Variants in RBBP4 observed in about 807,000 individuals in gnomAD.
RBBP4 encodes the protein histone-binding protein RBBP4.
A neutral mutation model predicts 57.2 loss-of-function variants in RBBP4; 3 were observed. The observed-to-expected ratio is 0.05, with a 90% CI of 0.02 to 0.14. RBBP4 has a LOEUF of 0.14. Ranked by LOEUF, RBBP4 falls within the 10% of genes least tolerant of loss-of-function variation. RBBP4 has a pLI of 1.00. For missense variants in RBBP4, 107 were observed against 520.6 expected (o/e 0.21, Z 7.73); for synonymous variants, 151 against 171.5 (o/e 0.88, Z 0.93).
chr1:32,651,768 G>A, intron 1 of RBBP4, 146 bp from the exon 2 acceptor site: 1 of 990,926 alleles, frequency 1.0e-6, no homozygotes, highest in Non-Finnish European at 1.5e-6. Context: ...CCGCGAAAGT[G>A]GAGAGTGTGG....
chr1:32,671,598 C>T (rs114447002), intron 8 of RBBP4, among the ~76,000 whole-genome samples: 6,693 of 152,056 alleles, frequency 0.044, 223 homozygotes, highest in Non-Finnish European at 0.054. Flanking sequence ...GGGCACATGG[C>T]ACACACCTCC....
intron 2 of RBBP4, among the ~76,000 whole-genome samples, chr1:32,656,705 C>T (rs1214343181): frequency 1.0e-4 from 1 of 9,570 alleles, no homozygotes; most frequent in Non-Finnish European, 4.9e-3. Flanking sequence ...TTTGTACTTC[C>T]ATCGCGTTTG....
intron 1 of RBBP4, 172 bp downstream of exon 1, chr1:32,651,494 G>A: frequency 7.4e-7 from 1 of 1,357,926 alleles, no homozygotes; most frequent in Non-Finnish European, 9.5e-7. Context: ...CAGTTCCCTG[G>A]GACCGATTTC....
Position 32,682,850 on chromosome 1 carries a change from A to C in RBBP4, c.*3145A>C, listed in dbSNP as rs1277290789. On this transcript the variant is annotated 3_prime_UTR_variant, in exon 12 of 12. Transcript: ENST00000373493. The stretch of plus-strand genomic sequence containing the variant: ...AGGCATCTGTATAATGTACAACTTG[A>C]CACGGACTTTCTTTTATCCTTAGTT... 1 of 152,172 alleles carries C rather than the reference A, an allele frequency of 6.6e-6. No homozygotes were observed. Among genetic ancestry groups the C allele is most frequent in the Admixed American group, 6.5e-5 (1 of 15,270 alleles). 9.4% of individuals were successfully genotyped at this position (152,172 alleles called of 1,614,324 possible). A position where few individuals can be genotyped will look rare whatever the true frequency, so the allele number is the denominator to read the frequency against.
chr1:32,662,489 G>A (rs1194479833), intron 3 of RBBP4, among the ~76,000 whole-genome samples: 2 of 151,886 alleles, frequency 1.3e-5, no homozygotes, highest in African/African-American at 2.4e-5. Context: ...CAATTCTCCT[G>A]TCTCAGCCTC....
chr1:32,651,797 TTTA>T, intron 1 of RBBP4, 114 bp from the exon 2 acceptor site: 1 of 1,235,466 alleles, frequency 8.1e-7, no homozygotes, highest in South Asian at 1.5e-5. Context: ...GCCGTGGGGA[TTTA>T]GACAAATCAC....
chr1:32,668,211 T>G lies in RBBP4; in HGVS notation c.311-14T>G. ...CTCTTGTTTTGTCCTCATTTGCAAT[T>G]AATTTATTCACAGAATTTGGAGGTT... On this transcript the variant is annotated splice_polypyrimidine_tract_variant and intron_variant, in intron 3 of 11. Coordinates refer to ENST00000373493, the MANE Select transcript of RBBP4 (RefSeq NM_005610.3). 1 of 1,606,364 alleles carries G rather than the reference T, an allele frequency of 6.2e-7. No homozygotes were observed. The highest frequency in any genetic ancestry group is 8.5e-7 in the Non-Finnish European group (1 of 1,174,766).
Position 32,680,133 on chromosome 1 carries a change from T to C in RBBP4, c.*428T>C, listed in dbSNP as rs555426509. The C allele has an allele frequency of 4.9e-3, 5,234 of 1,074,726 alleles. 16 individuals are homozygous for C. The highest frequency in any genetic ancestry group is 5.5e-3 in the Non-Finnish European group (4,897 of 888,990). 66.6% of individuals were successfully genotyped at this position (1,074,726 alleles called of 1,614,324 possible). A position where few individuals can be genotyped will look rare whatever the true frequency, so the allele number is the denominator to read the frequency against. ...CTTTTATTCAGGAAATAGGGGGAGA[T>C]TCAAGTCATATAGATTCCTACTCGA... On this transcript the variant is annotated 3_prime_UTR_variant, in exon 12 of 12. Transcript: ENST00000373493.
intron 11 of RBBP4, among the ~76,000 whole-genome samples, chr1:32,673,108 A>C (rs537892149): frequency 1.3e-5 from 2 of 152,278 alleles, no homozygotes; most frequent in South Asian, 4.1e-4. Context: ...TCTGCTAAAC[A>C]AAACTGACCC....
chr1:32,651,697 G>GC lies in RBBP4; in HGVS notation c.17-213dup, dbSNP rs1647696922. On this transcript the variant is annotated intron_variant, in intron 1 of 11. Transcript: ENST00000373493. ...CGAGCGTGCTCCGAAGGCCTGGCTGGCCCCTTGGCCTGGAACGGGTAACGG... is the reference window on the plus strand; with the variant it reads ...CGAGCGTGCTCCGAAGGCCTGGCTGGCCCCCTTGGCCTGGAACGGGTAACGG... 5 of 762,430 alleles carry GC rather than the reference G, an allele frequency of 6.6e-6. No homozygotes were observed. In the Admixed American group the frequency reaches 9.0e-5, roughly 14 times the overall value. 47.2% of individuals were successfully genotyped at this position (762,430 alleles called of 1,614,324 possible). A position where few individuals can be genotyped will look rare whatever the true frequency, so the allele number is the denominator to read the frequency against.
chr1:32,664,897 A>G (rs987257991), intron 3 of RBBP4, among the ~76,000 whole-genome samples: 17 of 152,214 alleles, frequency 1.1e-4, no homozygotes, highest in Non-Finnish European at 1.6e-4. Flanking sequence ...ACACTATACT[A>G]TAGTCTCCTA....
At chr1:32,655,591 A>T (rs942023064) in intron 2 of RBBP4, among the ~76,000 whole-genome samples, 7 of 151,758 alleles carry the variant, frequency 4.6e-5, no homozygotes, top group Non-Finnish European at 8.8e-5. Flanking sequence ...ATATCTTTAG[A>T]CCTCACTTCT....
At chr1:32,671,724 T>C (rs2148528471) in intron 8 of RBBP4, among the ~76,000 whole-genome samples, 3 of 146,638 alleles carry the variant, frequency 2.0e-5, no homozygotes, top group Admixed American at 2.0e-4. Flanking sequence ...CCTAACCCCA[T>C]CTCTACACAA....
At chr1:32,657,179 G>C (rs1271755681) in intron 2 of RBBP4, among the ~76,000 whole-genome samples, 1 of 152,128 alleles carries the variant, frequency 6.6e-6, no homozygotes, top group East Asian at 1.9e-4. Flanking sequence ...GGGAGGCTGA[G>C]GCATGAGAAT....
chr1:32,666,876 T>C (rs1377282109), intron 3 of RBBP4, among the ~76,000 whole-genome samples: 1 of 152,218 alleles, frequency 6.6e-6, no homozygotes, highest in Non-Finnish European at 1.5e-5. Flanking sequence ...CTTTGTTGTA[T>C]TACTAATATA....
In RBBP4 at chr1:32,682,629, G is replaced by A. The variant is rs1456041084; in HGVS notation, c.*2924G>A. On this transcript the variant is annotated 3_prime_UTR_variant, in exon 12 of 12. Transcript: ENST00000373493. ...CTACTAAAAATACAAAAACTAGCTG[G>A]CCGTGGTGGCATGCTCCTGTAGTCC... 2 of 151,882 alleles carry A rather than the reference G, an allele frequency of 1.3e-5. No homozygotes were observed. The highest frequency in any genetic ancestry group is 2.4e-5 in the African/African-American group (1 of 41,300). The allele number at this position is 151,882 out of a possible 1,614,324, so 9.4% of individuals were successfully genotyped here.
intron 11 of RBBP4, among the ~76,000 whole-genome samples, chr1:32,674,837 C>T (rs1268458874): frequency 6.6e-6 from 1 of 151,788 alleles, no homozygotes; most frequent in Admixed American, 6.6e-5. Context: ...AAGCAATTCT[C>T]CTGCCTCAGC....
intron 3 of RBBP4, among the ~76,000 whole-genome samples, chr1:32,664,236 A>T (rs1000749843): frequency 4.6e-5 from 7 of 152,176 alleles, no homozygotes; most frequent in Non-Finnish European, 8.8e-5. Context: ...TAACCCAGTA[A>T]CATTGGGCCG....
chr1:32,681,612 G>A lies in RBBP4; in HGVS notation c.*1907G>A. ...ATCTTTCCTTTCCTTGGTGCATTGA[G>A]ATCAGTATCAACAGCAGATGAAATA... On this transcript the variant is annotated 3_prime_UTR_variant, in exon 12 of 12. Coordinates refer to ENST00000373493, the MANE Select transcript of RBBP4 (RefSeq NM_005610.3). 1 of 612,412 alleles carries A rather than the reference G, an allele frequency of 1.6e-6. No homozygotes were observed. Among genetic ancestry groups the A allele is most frequent in the East Asian group, 2.8e-5 (1 of 35,690 alleles). The allele number at this position is 612,412 out of a possible 1,614,324, so 37.9% of individuals were successfully genotyped here. A position where few individuals can be genotyped will look rare whatever the true frequency, so the allele number is the denominator to read the frequency against.
Sources: allele counts gnomAD v4.1 joint callset (sites outside exome capture counted in the v4.1 genomes callset), GRCh38; gene constraint gnomAD v4.1.1; transcripts MANE v1.5; gene names NCBI Gene and HGNC (gene_info 2026-07-23, HGNC 2026-07-21).